TYW1B: variants seen among roughly 807,000 people sequenced by gnomAD.
TYW1B encodes S-adenosyl-L-methionine-dependent tRNA 4-demethylwyosine synthase TYW1B.
TYW1B carries 73 observed loss-of-function variants against 86.9 expected under a neutral mutation model. The observed-to-expected ratio is 0.84, with a 90% CI of 0.70 to 1.02. The LOEUF is 1.02. Ranked by LOEUF, TYW1B falls within the 50% of genes least tolerant of loss-of-function variation. The pLI is 0.00. For synonymous variants in TYW1B, 248 were observed against 292.8 expected, an observed-to-expected ratio of 0.85 and a Z score of 1.56; for missense variants, 637 against 827.4, an observed-to-expected ratio of 0.77 and a Z score of 2.82.
chr7:72,718,331 C>T (rs1383010024), intron 9 of TYW1B, among the ~76,000 whole-genome samples: 4 of 152,160 alleles, frequency 2.6e-5, no homozygotes, highest in African/African-American at 4.8e-5. Context: ...GAGGATGGGA[C>T]GGGGCGACAG....
intron 7 of TYW1B, among the ~76,000 whole-genome samples, chr7:72,771,565 A>C (rs539225353): frequency 1.3e-5 from 2 of 152,174 alleles, no homozygotes; most frequent in Non-Finnish European, 2.9e-5. Flanking sequence ...TAATAGACAT[A>C]CTGAATAAAA....
At chr7:72,629,898 C>T (rs1313805248) in intron 11 of TYW1B, among the ~76,000 whole-genome samples, 1 of 152,088 alleles carries the variant, frequency 6.6e-6, no homozygotes, top group African/African-American at 2.4e-5. Flanking sequence ...AAAAAGCTTA[C>T]ACTCTGACTT....
chr7:72,753,433 C>T (rs1554465438), intron 7 of TYW1B, among the ~76,000 whole-genome samples: 1 of 151,296 alleles, frequency 6.6e-6, no homozygotes, highest in African/African-American at 2.4e-5. Context: ...GGTGGGCTGA[C>T]CAGCAAAAAG....
chr7:72,652,452 A>C (rs1253741424), intron 11 of TYW1B, among the ~76,000 whole-genome samples: 1 of 152,000 alleles, frequency 6.6e-6, no homozygotes, highest in Non-Finnish European at 1.5e-5. Flanking sequence ...CAATGAAAAA[A>C]ATTAACTATT....
At chr7:72,671,036 A>G (rs1169994018) in intron 11 of TYW1B, among the ~76,000 whole-genome samples, 2 of 152,176 alleles carry the variant, frequency 1.3e-5, no homozygotes, top group African/African-American at 4.8e-5. Context: ...TGAACGTTTA[A>G]TATCTGGTAA....
intron 2 of TYW1B, among the ~76,000 whole-genome samples, chr7:72,820,355 C>T (rs1554480250): frequency 6.6e-6 from 1 of 152,110 alleles, no homozygotes; most frequent in East Asian, 1.9e-4. Flanking sequence ...AAACAAGATC[C>T]TTTCAGGCAA....
intron 10 of TYW1B, among the ~76,000 whole-genome samples, chr7:72,700,206 G>C (rs62466862): frequency 4.7e-5 from 5 of 105,806 alleles, no homozygotes; most frequent in Non-Finnish European, 6.8e-5. Flanking sequence ...ACAGAGTCTC[G>C]CTCTGTCACC....
At chr7:72,715,437 A>G (rs1186103888) in intron 9 of TYW1B, among the ~76,000 whole-genome samples, 1 of 152,196 alleles carries the variant, frequency 6.6e-6, no homozygotes, top group Non-Finnish European at 1.5e-5. Context: ...TCTTGACTCA[A>G]TGTAGAAGGC....
chr7:72,645,506 A>G (rs1188743398), intron 11 of TYW1B, among the ~76,000 whole-genome samples: 1 of 152,230 alleles, frequency 6.6e-6, no homozygotes, highest in Admixed American at 6.5e-5. Context: ...TAGTGCAATT[A>G]TTCATCATAG....
intron 11 of TYW1B, among the ~76,000 whole-genome samples, chr7:72,637,843 G>C (rs1812709762): frequency 6.6e-6 from 1 of 150,392 alleles, no homozygotes; most frequent in African/African-American, 2.4e-5. Flanking sequence ...ATTTTCATTG[G>C]GAACAGACTT....
intron 11 of TYW1B, among the ~76,000 whole-genome samples, chr7:72,638,047 C>G (rs1320612200): frequency 6.6e-6 from 1 of 151,000 alleles, no homozygotes; most frequent in Non-Finnish European, 1.5e-5. Context: ...CTGTATTGCC[C>G]CAAATTTCTA....
chr7:72,606,300 T>C (rs1311104720), intron 13 of TYW1B, among the ~76,000 whole-genome samples: 2 of 152,014 alleles, frequency 1.3e-5, no homozygotes, highest in African/African-American at 4.8e-5. Flanking sequence ...ACCTAGGCCA[T>C]GAGAAAAACG....
At chr7:72,638,424 GATT>G (rs1812722989) in intron 11 of TYW1B, among the ~76,000 whole-genome samples, 1 of 152,180 alleles carries the variant, frequency 6.6e-6, no homozygotes, top group African/African-American at 2.4e-5. Context: ...AAAATCACGT[GATT>G]ATATCAATAG....
intron 11 of TYW1B, among the ~76,000 whole-genome samples, chr7:72,644,682 T>C (rs1812881750): frequency 1.3e-5 from 2 of 152,070 alleles, no homozygotes; most frequent in Non-Finnish European, 2.9e-5. Context: ...TAAACAGCAT[T>C]GAATCAAATG....
At chr7:72,704,642 T>C (rs782188079) in intron 10 of TYW1B, among the ~76,000 whole-genome samples, 82 of 151,762 alleles carry the variant, frequency 5.4e-4, no homozygotes, top group Non-Finnish European at 2.1e-4. Context: ...CCTTAAAGTA[T>C]ATTTTGACCA....
chr7:72,629,025 T>A, intron 11 of TYW1B, 28 bp from the exon 12 acceptor site: 1 of 1,572,498 alleles, frequency 6.4e-7, no homozygotes, highest in Non-Finnish European at 8.6e-7. Context: ...CCAACTTCGT[T>A]GTTATCTTGG....
chr7:72,713,533 C>T lies in TYW1B; in HGVS notation c.1370+88G>A. On this transcript the variant is annotated intron_variant, in intron 10 of 13. Coordinates refer to ENST00000620995, the MANE Select transcript of TYW1B (RefSeq NM_001145440.3). ...TGTATGTAGTAAGTAATCAATAAATCCTATTTGATTGCATTAATGCCTATT... is the reference window on the plus strand; with the variant it reads ...TGTATGTAGTAAGTAATCAATAAATTCTATTTGATTGCATTAATGCCTATT... 6 of 1,289,236 alleles carry T rather than the reference C, an allele frequency of 4.7e-6. No homozygotes were observed. In the South Asian group the frequency reaches 9.4e-5, roughly 20 times the overall value. The allele number at this position is 1,289,236 out of a possible 1,614,324, so 79.9% of individuals were successfully genotyped here.
chr7:72,603,472 C>T (rs1309212339), intron 13 of TYW1B, among the ~76,000 whole-genome samples: 1 of 152,170 alleles, frequency 6.6e-6, no homozygotes, highest in Non-Finnish European at 1.5e-5. Context: ...AAGGGACAAG[C>T]CTTCGGTATG....
chr7:72,827,110 T>A, intron 1 of TYW1B, 125 bp from the exon 2 acceptor site: 1 of 1,310,864 alleles, frequency 7.6e-7, no homozygotes, highest in Non-Finnish European at 1.0e-6. Flanking sequence ...GAAATCTAAT[T>A]TAAAAATCAA....
Sources: gnomAD v4.1 joint callset for allele counts (sites outside exome capture counted in the v4.1 genomes callset) on GRCh38, gnomAD v4.1.1 for gene constraint, MANE v1.5 for transcripts, NCBI Gene and HGNC (gene_info 2026-07-23, HGNC 2026-07-21) for gene names.